DOCK7: variants seen among roughly 807,000 people sequenced by gnomAD.
The protein encoded by DOCK7 is dedicator of cytokinesis protein 7.
Under a neutral mutation model 271.0 loss-of-function variants are expected in DOCK7, and 138 were observed. The observed-to-expected ratio is 0.51, with a 90% CI of 0.44 to 0.59. The LOEUF is 0.59. Among genes scored for constraint, DOCK7 ranks in the 20% least tolerant of loss-of-function variants. The pLI, the probability that DOCK7 is intolerant of heterozygous loss-of-function variation, is 0.00. For missense variants in DOCK7, 2,066 were observed against 2,592.4 expected, an observed-to-expected ratio of 0.80 and a Z score of 4.41; for synonymous variants, 823 against 876.1, an observed-to-expected ratio of 0.94 and a Z score of 1.07.
intron 14 of DOCK7, chr1:62,605,030 G>C (rs1391318960): frequency 2.0e-6 from 1 of 499,838 alleles, no homozygotes; most frequent in Admixed American, 3.5e-5. Flanking sequence ...AATACTATTT[G>C]TTTTAAATTT....
intron 14 of DOCK7, chr1:62,609,052 A>C (rs1651408776): frequency 6.6e-6 from 1 of 152,184 alleles, no homozygotes; most frequent in Non-Finnish European, 1.5e-5. Context: ...TGTACTACTG[A>C]GTGATTATCA....
chr1:62,489,139 G>C, intron 41 of DOCK7, 74 bp from the exon 42 acceptor site: 1 of 1,369,034 alleles, frequency 7.3e-7, no homozygotes, highest in Non-Finnish European at 9.8e-7. Flanking sequence ...ATATGAATTC[G>C]CAATATTTCT....
intron 43 of DOCK7, chr1:62,484,243 G>C (rs1246765412): frequency 4.0e-5 from 6 of 151,874 alleles, no homozygotes; most frequent in African/African-American, 1.5e-4. Flanking sequence ...AATCTCAAAA[G>C]TTAGGGTAAT....
chr1:62,641,060 G>T, intron 7 of DOCK7: 1 of 187,458 alleles, frequency 5.3e-6, no homozygotes, highest in Non-Finnish European at 1.1e-5. Context: ...TCCCAGGGCA[G>T]CAGTGAAAGA....
In DOCK7 at chr1:62,542,664, T is replaced by A; in HGVS notation, c.2989A>T (p.Ser997Cys). 6.2e-7 allele frequency: 1 copy of A among 1,613,104 alleles called. No individual in the cohort carries two copies. The highest frequency in any genetic ancestry group is 1.1e-5 in the South Asian group (1 of 90,920). Reference protein sequence around the residue: ...EELALQWVVCSGSVRESALQQ... With the variant: ...EELALQWVVCCGSVRESALQQ... ...AAAGCTGATTCCCGAACGCTGCCAC[T>A]GCAAACAACCCACTGCAAAGCCAGC... Residue 997 changes from serine to cysteine, a missense_variant, in exon 25 of 50, where the codon AGT becomes TGT. By Grantham distance (112) the Ser-to-Cys change is moderately radical. Transcript: ENST00000635253.
At position 62,473,973 on chromosome 1, in the gene DOCK7, C is replaced by T. The variant is rs371569843; in HGVS notation, c.6212+9G>A. 126 of 1,609,238 alleles carry T rather than the reference C, an allele frequency of 7.8e-5. 1 individual carries two copies. Among genetic ancestry groups the T allele is most frequent in the Non-Finnish European group, 1.0e-4 (122 of 1,176,088 alleles). On this transcript the variant is annotated intron_variant, in intron 48 of 49. Transcript: ENST00000635253. ...ATTTGAAGATCTTTACGCAGAAAGC[C>T]TTGAATACCTTTTAGTAAAATCTTT...
chr1:62,544,966 G>C lies in DOCK7; in HGVS notation c.2840C>G (p.Pro947Arg). The stretch of plus-strand genomic sequence containing the variant: ...CACCACCTGTGTTGATTCTGCACTT[G>C]GACTGGGGTTGGATCCCCATGGGGC... ...KAAPWGSNPSPSAESTQAMDR... is the reference protein window; with the variant it reads ...KAAPWGSNPSRSAESTQAMDR... The change falls in exon 23 of 50, where the codon CCA becomes CGA. Residue 947 changes from proline (P) to arginine (R), a missense_variant. Pro to Arg is a moderately radical substitution (Grantham distance 103). Transcript: ENST00000635253. 6.5e-7 allele frequency: 1 copy of C among 1,549,666 alleles called. No homozygotes were observed. Among genetic ancestry groups the C allele is most frequent in the Non-Finnish European group, 8.7e-7 (1 of 1,146,360 alleles).
chr1:62,648,485 T>C lies in DOCK7; in HGVS notation c.449A>G (p.Gln150Arg). Residue 150 changes from glutamine to arginine, a missense_variant, in exon 5 of 50, where the codon CAA (glutamine) becomes CGA (arginine). Gln to Arg is a conservative substitution (Grantham distance 43). This residue lies in a region of DOCK7 where 1,414 missense variants were observed against 1,670.4 expected (regional missense o/e 0.85). Transcript: ENST00000635253. ...PNTLDKQKER[Q>R]KGLPKQVFES... ...AAAAACTTGTTTTGGCAAACCTTTT[T>C]GCCTTTCTTTCTGTTTATCTAATGT... 6.5e-7 allele frequency: 1 copy of C among 1,528,640 alleles called. No homozygotes were observed. Among genetic ancestry groups the C allele is most frequent in the Non-Finnish European group, 8.8e-7 (1 of 1,132,970 alleles). 94.7% of individuals were successfully genotyped at this position (1,528,640 alleles called of 1,614,324 possible). A position where few individuals can be genotyped will look rare whatever the true frequency, so the allele number is the denominator to read the frequency against.
rs114115494 is a variant in DOCK7 at position 62,646,597 on chromosome 1, T to C, written c.818+1094A>G. Among the ~76,000 whole-genome samples the C allele has an allele frequency of 3.1e-3, 468 of 152,328 alleles. 1 individual carries two copies. The highest frequency in any genetic ancestry group is 5.1e-3 in the Non-Finnish European group (344 of 68,034). ...ACACAGAAGAAAAGTCATGTGAGAA[T>C]GCAGCAAGCAGCAGCCATCTGCAAG... On this transcript the variant is annotated intron_variant, in intron 7 of 49. Coordinates refer to ENST00000635253, the MANE Select transcript of DOCK7 (RefSeq NM_001367561.1).
chr1:62,660,639 T>C (rs541740920), intron 2 of DOCK7, among the ~76,000 whole-genome samples: 154 of 152,260 alleles, frequency 1.0e-3, no homozygotes, highest in African/African-American at 3.1e-3. Context: ...TCTAGGTATA[T>C]ACCCAAAAGA....
chr1:62,485,426 A>T (rs1446811985), intron 43 of DOCK7: 1 of 985,278 alleles, frequency 1.0e-6, no homozygotes, highest in African/African-American at 1.7e-5. Flanking sequence ...TAAAAAAATG[A>T]AACATGTGAC....
At chr1:62,512,908 C>T (rs1644530724) in intron 33 of DOCK7, among the ~76,000 whole-genome samples, 1 of 149,766 alleles carries the variant, frequency 6.7e-6, no homozygotes, top group Non-Finnish European at 1.5e-5. Flanking sequence ...GAGAATCTGT[C>T]TCAACTAAAA....
Position 62,493,261 on chromosome 1 carries a change from T to C in DOCK7, c.5218-414A>G, listed in dbSNP as rs1646517768. On this transcript the variant is annotated intron_variant, in intron 40 of 49. Transcript: ENST00000635253. Reference sequence around the variant, plus strand: ...CGGAGTTAATGAAAAAAGTCAGGTATAATAAAAGCCCTCTTATTCAATGAG... The same window carrying C: ...CGGAGTTAATGAAAAAAGTCAGGTACAATAAAAGCCCTCTTATTCAATGAG... Among the ~76,000 whole-genome samples the C allele has an allele frequency of 3.3e-5, 5 of 152,176 alleles. No homozygotes were observed. The South Asian group carries it at 1.0e-3, about 31-fold the overall frequency.
At chr1:62,506,949 A>AAAAT (rs375137004) in intron 35 of DOCK7, among the ~76,000 whole-genome samples, 7,153 of 138,570 alleles carry the variant, frequency 0.052, 408 homozygotes, top group African/African-American at 0.13. Flanking sequence ...CTCCACCTCA[A>AAAAT]AAATAAATAA....
In DOCK7 at chr1:62,646,060, T is replaced by A. The variant is rs540783737; in HGVS notation, c.818+1631A>T. ...TACTCAGGGGGCTGAGGCAGGAGAA[T>A]CGCTTGAACCCGGGAGGCGGAGGTT... is the stretch of plus-strand genomic sequence containing the variant. On this transcript the variant is annotated intron_variant, in intron 7 of 49. Transcript: ENST00000635253. Among the ~76,000 whole-genome samples, 17 of 150,918 alleles carry A rather than the reference T, an allele frequency of 1.1e-4. No homozygotes were observed. The South Asian group carries it at 3.3e-3, about 30-fold the overall frequency.
chr1:62,607,139 G>A (rs1223148108), intron 14 of DOCK7, among the ~76,000 whole-genome samples: 2 of 152,092 alleles, frequency 1.3e-5, no homozygotes, highest in African/African-American at 2.4e-5. Flanking sequence ...CCAGGAGGCG[G>A]AGGTTGCAGT....
Position 62,554,385 on chromosome 1 carries a change from T to C in DOCK7, c.2596+1440A>G, listed in dbSNP as rs990613919. 2.9e-4 allele frequency among the ~76,000 whole-genome samples: 41 copies of C among 139,350 alleles called. 1 individual carries two copies. Among genetic ancestry groups the C allele is most frequent in the Non-Finnish European group, 4.5e-4 (30 of 66,538 alleles). 91.4% of individuals were successfully genotyped at this position (139,350 alleles called of 152,430 possible). On this transcript the variant is annotated intron_variant, in intron 21 of 49. Coordinates refer to ENST00000635253, the MANE Select transcript of DOCK7 (RefSeq NM_001367561.1). ...TACCCGAGAGGCTGAGGCAGGAGAATGGCGTGAACCCGGGAAGCGGAGCTT... is the reference window on the plus strand; with the variant it reads ...TACCCGAGAGGCTGAGGCAGGAGAACGGCGTGAACCCGGGAAGCGGAGCTT...
Position 62,475,905 on chromosome 1 carries a change from G to T in DOCK7, c.5763C>A (p.Asp1921Glu). 6.2e-7 allele frequency: 1 copy of T among 1,613,976 alleles called. No homozygotes were observed. The highest frequency in any genetic ancestry group is 8.5e-7 in the Non-Finnish European group (1 of 1,179,924). Residue 1921 changes from aspartate to glutamate, a missense_variant, in exon 46 of 50, where the codon GAC becomes GAA. Physicochemically the swap from Asp to Glu is conservative, Grantham distance 45. Around this residue, in one of 2 missense-constraint regions of DOCK7, gnomAD observed 652 missense variants for 922.1 expected, o/e 0.71. Transcript: ENST00000635253. ...IQITYVEPYF[D>E]TYEMKDRITY... ...TGATTCTGTCCTTCATCTCATATGT[G>T]TCAAAGTATGGCTCCACATAGGTAA...
At chr1:62,527,945 G>T (rs1645062761) in intron 31 of DOCK7, among the ~76,000 whole-genome samples, 1 of 151,892 alleles carries the variant, frequency 6.6e-6, no homozygotes, top group African/African-American at 2.4e-5. Flanking sequence ...ACAGAATACG[G>T]GGCTTTTTCC....
Sources: gnomAD v4.1 joint callset for allele counts (sites outside exome capture counted in the v4.1 genomes callset) on GRCh38, gnomAD v4.1.1 for gene constraint, gnomAD v4.1.1 regional missense constraint, MANE v1.5 for transcripts, NCBI Gene and HGNC (gene_info 2026-07-23, HGNC 2026-07-21) for gene names.